Variants in PCDHGA2 observed in about 807,000 individuals in gnomAD.
The protein encoded by PCDHGA2 is protocadherin gamma-A2.
PCDHGA2 carries 40 observed loss-of-function variants against 59.2 expected under a neutral mutation model. The ratio of observed to expected loss-of-function variants is 0.68; its 90% CI spans 0.52 to 0.88. PCDHGA2 has a LOEUF of 0.88. Ranked by LOEUF, PCDHGA2 falls within the 40% of genes least tolerant of loss-of-function variation. The probability of loss-of-function intolerance (pLI) is 0.00; values close to 1 mark genes in which losing one functional copy is unlikely to be tolerated. For missense variants in PCDHGA2, 1,226 were observed against 1,204.0 expected (o/e 1.02, Z -0.27); for synonymous variants, 560 against 526.0 (o/e 1.06, Z -0.89).
chr5:141,459,989 A>G (rs2098979714), intron 1 of PCDHGA2, among the ~76,000 whole-genome samples: 1 of 152,204 alleles, frequency 6.6e-6, no homozygotes, highest in Non-Finnish European at 1.5e-5. Flanking sequence ...GAGACAGGAG[A>G]ATCGCTTGAA....
intron 1 of PCDHGA2, chr5:141,441,925 T>C (rs926242217): frequency 2.8e-6 from 1 of 353,614 alleles, no homozygotes; most frequent in Non-Finnish European, 5.4e-6. Flanking sequence ...ACACAATGCG[T>C]GGCTGTCCTA....
chr5:141,401,564 C>A (rs2094168610), intron 1 of PCDHGA2, among the ~76,000 whole-genome samples: 1 of 152,204 alleles, frequency 6.6e-6, no homozygotes, highest in African/African-American at 2.4e-5. Flanking sequence ...GCCTGAATTT[C>A]TCTTGCTCGG....
rs756146067 is a variant in PCDHGA2, at chr5:141,477,534, G to C, written c.2425-17273G>C. On this transcript the variant is annotated intron_variant, in intron 1 of 3. Transcript: ENST00000394576. This position sits in a 1 kb window ranked among gnomAD's most constrained non-coding sequence, Gnocchi z 4.9. ...TACATTGAAGAAAACAACCTCCCCG[G>C]GGCTCCAATACTAAACCTAAGTGTC... 1.9e-6 allele frequency: 3 copies of C among 1,614,008 alleles called. No homozygotes were observed. Among genetic ancestry groups the C allele is most frequent in the East Asian group, 4.5e-5 (2 of 44,870 alleles).
intron 2 of PCDHGA2, among the ~76,000 whole-genome samples, chr5:141,501,476 A>T (rs1274017343): frequency 3.3e-5 from 5 of 152,044 alleles, no homozygotes; most frequent in Admixed American, 3.3e-4. Context: ...ATCCTGGAAG[A>T]GTCCCTCATA....
At chr5:141,479,862 C>T (rs2099508997) in intron 1 of PCDHGA2, among the ~76,000 whole-genome samples, 1 of 152,170 alleles carries the variant, frequency 6.6e-6, no homozygotes, top group Non-Finnish European at 1.5e-5. Flanking sequence ...GGCCTTTGCC[C>T]TGGAGAGAAC....
intron 1 of PCDHGA2, chr5:141,422,005 A>G (rs2154549470): frequency 6.2e-7 from 1 of 1,609,814 alleles, no homozygotes; most frequent in Middle Eastern, 1.7e-4. Context: ...CAGCTCCGGA[A>G]CTCGGGTGCT....
intron 2 of PCDHGA2, among the ~76,000 whole-genome samples, chr5:141,500,231 C>T (rs992215482): frequency 1.4e-5 from 2 of 138,098 alleles, no homozygotes; most frequent in East Asian, 4.1e-4. Context: ...TTTATTGATA[C>T]GTAGCCTTGC....
At chr5:141,459,531 A>G (rs1479666418) in intron 1 of PCDHGA2, among the ~76,000 whole-genome samples, 2 of 152,184 alleles carry the variant, frequency 1.3e-5, no homozygotes, top group Admixed American at 1.3e-4. Context: ...TTTTGTAGGC[A>G]TATTTTTTTT....
chr5:141,404,840 C>G lies in PCDHGA2; in HGVS notation c.2424+63445C>G, dbSNP rs377389968. ...GCACACAGGTGAAGTGCGCACAGCT[C>G]GGGCCCTGCTAGATAGAGATGCGCT... is the stretch of plus-strand genomic sequence containing the variant. On this transcript the variant is annotated intron_variant, in intron 1 of 3. Transcript: ENST00000394576. 4 of 1,613,698 alleles carry G rather than the reference C, an allele frequency of 2.5e-6. No individual in the cohort carries two copies. In the Admixed American group the frequency reaches 5.0e-5, roughly 20 times the overall value.
rs752720166 is a variant in PCDHGA2, at chr5:141,419,978, G to C, written c.2425-74829G>C. 1.9e-6 allele frequency: 3 copies of C among 1,614,076 alleles called. No homozygotes were observed. In the South Asian group the frequency reaches 3.3e-5, roughly 18 times the overall value. On this transcript the variant is annotated intron_variant, in intron 1 of 3. Transcript: ENST00000394576. Reference sequence around the variant, plus strand: ...GATTTCTGTGCTCTTTCTCCTCGCGGTGATTCTAGCTATTGCTCTACGCCT... The same window carrying C: ...GATTTCTGTGCTCTTTCTCCTCGCGCTGATTCTAGCTATTGCTCTACGCCT...
intron 1 of PCDHGA2, chr5:141,385,740 T>A: frequency 4.9e-6 from 1 of 202,756 alleles, no homozygotes; most frequent in Non-Finnish European, 8.9e-6. Context: ...ATTTCTTCCA[T>A]GTGAAGATTT....
In PCDHGA2 at chr5:141,345,026, C is replaced by G. The variant is rs368099113; in HGVS notation, c.2424+3631C>G. ...ATGGACCAGGTCTTCTTTCAAGAGCCAAGATTCTAGTCACGGTTCTGGATG... is the reference window on the plus strand; with the variant it reads ...ATGGACCAGGTCTTCTTTCAAGAGCGAAGATTCTAGTCACGGTTCTGGATG... On this transcript the variant is annotated intron_variant, in intron 1 of 3. Transcript: ENST00000394576. The G allele has an allele frequency of 5.0e-6, 8 of 1,613,860 alleles. No homozygotes were observed. In the African/African-American group the frequency reaches 6.7e-5, roughly 13 times the overall value.
In PCDHGA2 at chr5:141,511,116, G is replaced by A. The variant is rs2099883616; in HGVS notation, c.2742G>A (p.Lys914=). Residue 914 remains lysine, a synonymous_variant, in exon 4 of 4, where the codon AAG becomes AAA. Transcript: ENST00000394576. The stretch of plus-strand genomic sequence containing the variant: ...ACGCAGCTGGCAAGCGGGATGGCAA[G>A]GCCCCAGCAGGTGGCAATGGCAACA... ...LTNAAGKRDG[K]APAGGNGNKK... The A allele has an allele frequency of 1.9e-6, 3 of 1,614,234 alleles. No individual in the cohort carries two copies. The highest frequency in any genetic ancestry group is 2.5e-6 in the Non-Finnish European group (3 of 1,180,026).
rs1307889557 is a variant in PCDHGA2, at chr5:141,486,267, C to G, written c.2425-8540C>G. On this transcript the variant is annotated intron_variant, in intron 1 of 3. Transcript: ENST00000394576. The surrounding 1 kb of genome is among the most constrained non-coding windows in gnomAD (Gnocchi z 5.0). ...GGAACCCTCCCCGAGAGTGCAGAAC[C>G]TGGCACTGTGGTGGCACTTATCAGT... 1 of 1,614,128 alleles carries G rather than the reference C, an allele frequency of 6.2e-7. No homozygotes were observed. Among genetic ancestry groups the G allele is most frequent in the South Asian group, 1.1e-5 (1 of 91,072 alleles).
At chr5:141,364,906 G>A (rs1432119557) in intron 1 of PCDHGA2, 2 of 1,613,942 alleles carry the variant, frequency 1.2e-6, no homozygotes, top group Admixed American at 3.3e-5. Context: ...AAAAGTATCC[G>A]GAGCTGGTGT....
chr5:141,355,967 C>T (rs745830761), intron 1 of PCDHGA2: 1 of 1,613,862 alleles, frequency 6.2e-7, no homozygotes, highest in South Asian at 1.1e-5. Flanking sequence ...GAGAACGTTC[C>T]TGTAGGCACT....
At chr5:141,467,134 C>T (rs905270517) in intron 1 of PCDHGA2, among the ~76,000 whole-genome samples, 19 of 151,750 alleles carry the variant, frequency 1.3e-4, no homozygotes, top group African/African-American at 4.6e-4. Flanking sequence ...CTCACTGCAA[C>T]CTCTGCCTCC....
At chr5:141,498,372 C>A (rs1008996197) in intron 2 of PCDHGA2, among the ~76,000 whole-genome samples, 3 of 151,730 alleles carry the variant, frequency 2.0e-5, no homozygotes, top group Admixed American at 1.3e-4. Flanking sequence ...GTGGTGAGGC[C>A]TCCTGGGATC....
intron 1 of PCDHGA2, chr5:141,389,542 G>A (rs765744557): frequency 5.0e-6 from 8 of 1,613,080 alleles, no homozygotes; most frequent in African/African-American, 2.7e-5. Flanking sequence ...GTGGACGACC[G>A]CAACGACAAT....
Sources: gnomAD v4.1 joint callset for allele counts (sites outside exome capture counted in the v4.1 genomes callset) on GRCh38, gnomAD v4.1.1 for gene constraint, Gnocchi (gnomAD v3.1) non-coding constraint, MANE v1.5 for transcripts, NCBI Gene and HGNC (gene_info 2026-07-23, HGNC 2026-07-21) for gene names.